Variants in NTRK3 observed in about 807,000 individuals in gnomAD.
NTRK3 encodes neurotrophic receptor tyrosine kinase 3, also known as NT-3 growth factor receptor.
In NTRK3, 24 loss-of-function variants were observed where a neutral mutation model predicts 91.7. That is an observed-to-expected ratio of 0.26 (90% CI 0.19 to 0.37). The LOEUF is 0.37. NTRK3 is among the 10% of genes least tolerant of loss of function. NTRK3 has a pLI of 1.00. For missense variants in NTRK3, 880 were observed against 1,068.9 expected (o/e 0.82, Z 2.46); for synonymous variants, 483 against 404.0 (o/e 1.20, Z -2.34).
At chr15:88,105,200 G>A (rs555340904) in intron 13 of NTRK3, among the ~76,000 whole-genome samples, 88 of 152,236 alleles carry the variant, frequency 5.8e-4, no homozygotes, top group African/African-American at 1.9e-3. Flanking sequence ...ACGGCTCCTC[G>A]TCCCCAGCTT....
intron 14 of NTRK3, among the ~76,000 whole-genome samples, chr15:87,970,861 A>G (rs1184208578): frequency 1.3e-5 from 2 of 152,212 alleles, no homozygotes; most frequent in African/African-American, 4.8e-5. Flanking sequence ...AGGGAGAACC[A>G]TATTGCAGGC....
At chr15:87,862,169 T>C in exon 19 of NTRK3, 1 of 220,374 alleles carries the variant, frequency 4.5e-6, no homozygotes, top group Non-Finnish European at 9.1e-6. Flanking sequence ...GCCATGGCCT[T>C]TTTTGCAGGG....
At chr15:88,043,763 G>T (rs1427335924) in intron 13 of NTRK3, among the ~76,000 whole-genome samples, 1 of 152,184 alleles carries the variant, frequency 6.6e-6, no homozygotes, top group Non-Finnish European at 1.5e-5. Flanking sequence ...GAGGCACAAT[G>T]AGTTAGAAGA....
chr15:88,244,292 A>G (rs1334689427), intron 3 of NTRK3, among the ~76,000 whole-genome samples: 1 of 152,194 alleles, frequency 6.6e-6, no homozygotes, highest in Non-Finnish European at 1.5e-5. Context: ...CACATCATGT[A>G]TTTTAATCCT....
At chr15:87,889,966 A>ATTTAT (rs1555430514) in intron 17 of NTRK3, among the ~76,000 whole-genome samples, 3 of 149,880 alleles carry the variant, frequency 2.0e-5, no homozygotes, top group African/African-American at 7.4e-5. Context: ...TTATTTATTT[A>ATTTAT]TTTATTTATT....
At chr15:88,105,557 T>A (rs1195442111) in intron 13 of NTRK3, among the ~76,000 whole-genome samples, 2 of 152,184 alleles carry the variant, frequency 1.3e-5, no homozygotes, top group Non-Finnish European at 2.9e-5. Flanking sequence ...CTCCACTAGT[T>A]CCACATACGC....
At chr15:88,136,106 C>T (rs866465083) in intron 8 of NTRK3, 66 bp from the exon 9 acceptor site, 2 of 1,578,300 alleles carry the variant, frequency 1.3e-6, no homozygotes, top group Non-Finnish European at 1.7e-6. Context: ...CTACCTAATC[C>T]CCAAATACCT....
At chr15:88,128,609 G>T in intron 11 of NTRK3, 102 bp downstream of exon 11, 2 of 1,259,738 alleles carry the variant, frequency 1.6e-6, no homozygotes, top group Non-Finnish European at 2.3e-6. Flanking sequence ...GCTGCCATGG[G>T]CCAGGGATGA....
At chr15:87,936,699 C>A (rs1209710547) in intron 15 of NTRK3, among the ~76,000 whole-genome samples, 1 of 152,148 alleles carries the variant, frequency 6.6e-6, no homozygotes, top group Non-Finnish European at 1.5e-5. Context: ...CGCACACATG[C>A]ACACCTATCA....
At chr15:87,886,149 GA>G (rs1472865607) in intron 17 of NTRK3, among the ~76,000 whole-genome samples, 5 of 151,990 alleles carry the variant, frequency 3.3e-5, no homozygotes, top group Non-Finnish European at 7.4e-5. Context: ...GGGAAAGACT[GA>G]AAAAAATTGT....
chr15:88,047,726 G>A (rs1486474624), intron 13 of NTRK3, among the ~76,000 whole-genome samples: 1 of 152,060 alleles, frequency 6.6e-6, no homozygotes, highest in Non-Finnish European at 1.5e-5. Flanking sequence ...TTAAAAGGAG[G>A]GCGACCACAC....
At chr15:88,110,305 T>G (rs1365696348) in intron 13 of NTRK3, among the ~76,000 whole-genome samples, 10 of 152,170 alleles carry the variant, frequency 6.6e-5, no homozygotes, top group African/African-American at 9.7e-5. Flanking sequence ...AGACCTAGCG[T>G]CTTCCTGTCT....
In NTRK3 at chr15:88,243,524, C is replaced by T. The variant is rs1034155577; in HGVS notation, c.248+12382G>A. Among the ~76,000 whole-genome samples, 3 of 133,376 alleles carry T rather than the reference C, an allele frequency of 2.2e-5. No homozygotes were observed. The highest frequency in any genetic ancestry group is 8.7e-5 in the African/African-American group (3 of 34,644). The allele number at this position is 133,376 out of a possible 152,430, so 87.5% of individuals were successfully genotyped here. On this transcript the variant is annotated intron_variant, in intron 3 of 18. Coordinates refer to ENST00000394480, the Ensembl canonical transcript of NTRK3. This position sits in a 1 kb window ranked among gnomAD's most constrained non-coding sequence, Gnocchi z 4.8. ...ACCCCTGCTTCTCACTTGATCCCAT[C>T]CCCCATAGCATGCACACACACACAC...
intron 17 of NTRK3, among the ~76,000 whole-genome samples, chr15:87,902,787 A>G (rs1216064614): frequency 6.6e-6 from 1 of 152,178 alleles, no homozygotes; most frequent in Admixed American, 6.5e-5. Flanking sequence ...TAGAAATACA[A>G]TGTCTATTTC....
intron 13 of NTRK3, among the ~76,000 whole-genome samples, chr15:88,047,106 G>A (rs751707020): frequency 2.0e-5 from 3 of 152,078 alleles, no homozygotes; most frequent in Admixed American, 6.6e-5. Flanking sequence ...GAGGTTCCAC[G>A]CATGCCCACC....
At chr15:87,979,089 G>A (rs996778030) in intron 14 of NTRK3, 10 of 581,984 alleles carry the variant, frequency 1.7e-5, no homozygotes, top group African/African-American at 3.7e-5. Context: ...TGGCTCTAAA[G>A]ATAGTGGCAG....
chr15:87,916,524 C>CT (rs1360086825), intron 17 of NTRK3: 2 of 702,076 alleles, frequency 2.8e-6, no homozygotes, highest in Non-Finnish European at 5.2e-6. Flanking sequence ...TCTTCCCCGT[C>CT]TTTTTTCCCC....
intron 13 of NTRK3, among the ~76,000 whole-genome samples, chr15:88,061,453 T>C (rs2046207794): frequency 6.6e-6 from 1 of 152,246 alleles, no homozygotes; most frequent in Non-Finnish European, 1.5e-5. Context: ...GGTCAGCCCG[T>C]GGCTGCTAAG....
intron 14 of NTRK3, among the ~76,000 whole-genome samples, chr15:87,942,784 C>T (rs1299224815): frequency 6.6e-6 from 1 of 152,190 alleles, no homozygotes; most frequent in Non-Finnish European, 1.5e-5. Flanking sequence ...TTTAACTTAC[C>T]TATTACCTGA....
Sources: allele counts gnomAD v4.1 joint callset (sites outside exome capture counted in the v4.1 genomes callset), GRCh38; gene constraint gnomAD v4.1.1; non-coding constraint Gnocchi (gnomAD v3.1); transcripts MANE v1.5; gene names NCBI Gene and HGNC (gene_info 2026-07-23, HGNC 2026-07-21).